The following IQCK variants were observed in gnomAD, a reference collection of about 807,000 sequenced individuals.
IQCK encodes IQ domain-containing protein K.
A neutral mutation model predicts 28.1 loss-of-function variants in IQCK; 29 were observed. The ratio of observed to expected loss-of-function variants is 1.03; its 90% confidence interval spans 0.77 to 1.41. IQCK has a LOEUF of 1.41. Among genes scored for constraint, IQCK ranks in the 40% most tolerant of loss-of-function variants. IQCK has a pLI of 0.00. For missense variants in IQCK, 359 were observed against 314.7 expected (o/e 1.14, Z -1.07); for synonymous variants, 113 against 115.1 (o/e 0.98, Z 0.12).
chr16:19,730,593 T>C lies in IQCK; in HGVS notation c.246+99T>C, dbSNP rs191173630. On this transcript the variant is annotated intron_variant, in intron 2 of 7. Transcript: ENST00000564186. ...ACACAGTGTCACTGAGTTCAGGAGG[T>C]GGGAAAGGGAAGGCACTGGAGCGAG... The C allele has an allele frequency of 6.0e-4, 558 of 926,114 alleles. 1 individual carries two copies. The African/African-American group carries it at 6.1e-3, about 10-fold the overall frequency. 57.4% of individuals were successfully genotyped at this position (926,114 alleles called of 1,614,324 possible).
intron 1 of IQCK, among the ~76,000 whole-genome samples, chr16:19,727,142 A>C (rs1489805486): frequency 6.8e-6 from 1 of 147,568 alleles, no homozygotes; most frequent in Admixed American, 6.6e-5. Context: ...AAAAAAAAAA[A>C]AGAAAGAAAG....
chr16:19,736,517 C>T (rs1978019836), intron 4 of IQCK, among the ~76,000 whole-genome samples: 1 of 152,168 alleles, frequency 6.6e-6, no homozygotes, highest in Non-Finnish European at 1.5e-5. Context: ...CCTACACCCA[C>T]GCGGATACCC....
Position 19,834,088 on chromosome 16 carries a change from G to A in IQCK, c.802+6951G>A, listed in dbSNP as rs111234317. On this transcript the variant is annotated intron_variant, in intron 9 of 9. Coordinates refer to the IQCK transcript ENST00000320394. ...GGGTAATGAGCAAGACCTCATCTCA[G>A]AATAAATAAATACATAAGATATGCT... is the stretch of plus-strand genomic sequence containing the variant. Among the ~76,000 whole-genome samples the A allele has an allele frequency of 8.3e-3, 1,258 of 152,238 alleles. 18 individuals carry two copies. Among genetic ancestry groups the A allele is most frequent in the African/African-American group, 0.029 (1,185 of 41,550 alleles).
At chr16:19,765,759 C>T (rs2055225212) in intron 6 of IQCK, among the ~76,000 whole-genome samples, 1 of 151,934 alleles carries the variant, frequency 6.6e-6, no homozygotes, top group Non-Finnish European at 1.5e-5. Flanking sequence ...CAAACCTGTG[C>T]CTGATTTTAT....
chr16:19,838,816 C>T (rs1301922563), intron 9 of IQCK, among the ~76,000 whole-genome samples: 1 of 151,820 alleles, frequency 6.6e-6, no homozygotes, highest in Admixed American at 6.6e-5. Context: ...GTTAGGAGTT[C>T]GAGACCAGCC....
At chr16:19,724,575 C>G (rs1977596209) in intron 1 of IQCK, among the ~76,000 whole-genome samples, 1 of 152,104 alleles carries the variant, frequency 6.6e-6, no homozygotes. Context: ...GTCACCCAGG[C>G]TGCAGTGCAG....
intron 9 of IQCK, among the ~76,000 whole-genome samples, chr16:19,845,707 CCTG>C (rs1226773023): frequency 6.6e-6 from 1 of 152,140 alleles, no homozygotes; most frequent in African/African-American, 2.4e-5. Context: ...TTAAAGAAAA[CCTG>C]CTTAAATATT....
intron 1 of IQCK, among the ~76,000 whole-genome samples, chr16:19,722,833 C>G (rs1977538074): frequency 6.6e-6 from 1 of 152,136 alleles, no homozygotes; most frequent in African/African-American, 2.4e-5. Context: ...TCCCCCACCT[C>G]AGCCTCCTGA....
chr16:19,829,000 A>G (rs1197537081), downstream of IQCK, among the ~76,000 whole-genome samples: 3 of 144,036 alleles, frequency 2.1e-5, no homozygotes, highest in Admixed American at 1.4e-4. Context: ...TTAAATATAT[A>G]TAAATATATA....
chr16:19,730,416 T>C lies in IQCK; in HGVS notation c.182-14T>C, dbSNP rs762812815. 2.0e-5 allele frequency: 31 copies of C among 1,579,690 alleles called. No individual in the cohort carries two copies. The East Asian group carries it at 2.7e-4, about 14-fold the overall frequency. On this transcript the variant is annotated splice_polypyrimidine_tract_variant and intron_variant, in intron 1 of 7. Coordinates refer to ENST00000564186, the Ensembl canonical transcript of IQCK. ...GAAGTATGGAATTGAGGATTTTTTT[T>C]CCCTTCCCTTTAGAGTATGAAGCTG...
intron 1 of IQCK, among the ~76,000 whole-genome samples, chr16:19,727,749 A>C (rs1001715593): frequency 6.6e-6 from 1 of 152,226 alleles, no homozygotes; most frequent in African/African-American, 2.4e-5. Context: ...GTAATCAGAC[A>C]GAAGTATAAA....
chr16:19,730,343 T>C (rs929529639), intron 1 of IQCK, 87 bp from the exon 2 acceptor site: 32 of 1,015,474 alleles, frequency 3.2e-5, no homozygotes, highest in Non-Finnish European at 4.6e-5. Context: ...AAATAAAATT[T>C]AAGAATGTTT....
intron 9 of IQCK, among the ~76,000 whole-genome samples, chr16:19,852,597 G>A (rs1455833286): frequency 6.7e-6 from 1 of 149,902 alleles, no homozygotes; most frequent in East Asian, 2.0e-4. Flanking sequence ...GTATTATTCC[G>A]TGCCTCTCAT....
intron 9 of IQCK, among the ~76,000 whole-genome samples, chr16:19,843,193 A>G (rs1400462998): frequency 6.6e-6 from 1 of 152,150 alleles, no homozygotes; most frequent in Non-Finnish European, 1.5e-5. Context: ...TTTTTTTAAA[A>G]GTTTTATTGA....
intron 1 of IQCK, among the ~76,000 whole-genome samples, chr16:19,729,643 A>T (rs1977766578): frequency 6.6e-6 from 1 of 150,968 alleles, no homozygotes; most frequent in African/African-American, 2.4e-5. Context: ...TTATTTATTT[A>T]TTTATTTTTT....
intron 1 of IQCK, among the ~76,000 whole-genome samples, chr16:19,721,336 T>C (rs1977489078): frequency 6.6e-6 from 1 of 152,214 alleles, no homozygotes; most frequent in Non-Finnish European, 1.5e-5. Context: ...ACACAGACCT[T>C]AACCAACCTG....
intron 9 of IQCK, among the ~76,000 whole-genome samples, chr16:19,832,358 C>T (rs2056242704): frequency 6.7e-6 from 1 of 150,180 alleles, no homozygotes; most frequent in Non-Finnish European, 1.5e-5. Context: ...CACTTCTTAA[C>T]GTTTTGAAGA....
At chr16:19,811,902 C>T (rs1197447310) in intron 7 of IQCK, among the ~76,000 whole-genome samples, 1 of 152,026 alleles carries the variant, frequency 6.6e-6, no homozygotes, top group Non-Finnish European at 1.5e-5. Context: ...TCAGTACCTA[C>T]AGGGAAAGGG....
At chr16:19,725,252 C>T (rs933792417) in intron 1 of IQCK, among the ~76,000 whole-genome samples, 1 of 152,094 alleles carries the variant, frequency 6.6e-6, no homozygotes, top group Non-Finnish European at 1.5e-5. Context: ...GGCTGAAGTG[C>T]AGTGGCGTGA....
Sources: allele counts gnomAD v4.1 joint callset (sites outside exome capture counted in the v4.1 genomes callset), GRCh38; gene constraint gnomAD v4.1.1; transcripts MANE v1.5; gene names NCBI Gene and HGNC (gene_info 2026-07-23, HGNC 2026-07-21).